NEGR1: variants seen among roughly 807,000 people sequenced by gnomAD.
NEGR1 encodes neuronal growth regulator 1.
Under a neutral mutation model 40.9 loss-of-function variants are expected in NEGR1, and 10 were observed. That is an observed-to-expected ratio of 0.24 (90% CI 0.15 to 0.42). NEGR1 has a LOEUF of 0.42. Among genes scored for constraint, NEGR1 ranks in the 10% least tolerant of loss-of-function variants. The pLI is 1.00. For synonymous variants in NEGR1, 185 were observed against 166.8 expected, an observed-to-expected ratio of 1.11 and a Z score of -0.84; for missense variants, 352 against 438.9, an observed-to-expected ratio of 0.80 and a Z score of 1.77.
intron 3 of NEGR1, among the ~76,000 whole-genome samples, chr1:71,701,238 T>C (rs966691026): frequency 6.6e-6 from 1 of 151,964 alleles, no homozygotes. Flanking sequence ...GTGTCAGAGG[T>C]TCAGGATTCT....
chr1:71,904,478 T>C (rs1453803763), intron 2 of NEGR1, among the ~76,000 whole-genome samples: 4 of 152,146 alleles, frequency 2.6e-5, no homozygotes, highest in Non-Finnish European at 4.4e-5. Flanking sequence ...TAAAGTAATA[T>C]ACACTTAATG....
intron 1 of NEGR1, among the ~76,000 whole-genome samples, chr1:72,131,065 T>G (rs765243955): frequency 2.0e-4 from 30 of 152,192 alleles, no homozygotes; most frequent in Non-Finnish European, 2.9e-4. Context: ...TATATCCACT[T>G]AATTGGCAAA....
intron 4 of NEGR1, among the ~76,000 whole-genome samples, chr1:71,676,499 A>G (rs764222548): frequency 4.6e-5 from 7 of 152,210 alleles, no homozygotes; most frequent in Non-Finnish European, 7.3e-5. Flanking sequence ...AACAGCAACA[A>G]TAACAATGAA....
intron 1 of NEGR1, among the ~76,000 whole-genome samples, chr1:72,021,788 A>G (rs1459188989): frequency 6.6e-6 from 1 of 152,192 alleles, no homozygotes; most frequent in African/African-American, 2.4e-5. Context: ...TGACAGGCAA[A>G]TTCTATAAGT....
intron 1 of NEGR1, among the ~76,000 whole-genome samples, chr1:72,109,586 A>G (rs902660177): frequency 3.3e-5 from 5 of 151,602 alleles, no homozygotes; most frequent in Non-Finnish European, 7.4e-5. Context: ...ATGAACATAT[A>G]TTATTATTTC....
At chr1:71,728,819 T>C (rs1654760674) in intron 3 of NEGR1, among the ~76,000 whole-genome samples, 1 of 152,086 alleles carries the variant, frequency 6.6e-6, no homozygotes, top group East Asian at 1.9e-4. Context: ...TCTTCACTAC[T>C]CCCTTTCTCA....
At chr1:72,024,506 C>T (rs528196670) in intron 1 of NEGR1, among the ~76,000 whole-genome samples, 4 of 152,048 alleles carry the variant, frequency 2.6e-5, no homozygotes, top group Non-Finnish European at 5.9e-5. Flanking sequence ...AAAAGCACCA[C>T]AACCTTTTAG....
chr1:71,410,285 C>T (rs1646310946), intron 6 of NEGR1, among the ~76,000 whole-genome samples: 1 of 152,018 alleles, frequency 6.6e-6, no homozygotes, highest in Non-Finnish European at 1.5e-5. Context: ...CACCAAAACA[C>T]AAAGAGCAAA....
chr1:71,858,432 G>A (rs1433303129), intron 2 of NEGR1, among the ~76,000 whole-genome samples: 4 of 152,076 alleles, frequency 2.6e-5, no homozygotes, highest in African/African-American at 9.7e-5. Context: ...AGAAAAACCT[G>A]AACTTCATGG....
intron 1 of NEGR1, among the ~76,000 whole-genome samples, chr1:72,060,541 C>A (rs752358398): frequency 1.3e-5 from 2 of 151,548 alleles, no homozygotes; most frequent in African/African-American, 4.8e-5. Context: ...AGATCTATGT[C>A]TTTTAAGGCC....
intron 2 of NEGR1, among the ~76,000 whole-genome samples, chr1:71,886,946 C>G (rs916637225): frequency 6.6e-6 from 1 of 152,138 alleles, no homozygotes; most frequent in Non-Finnish European, 1.5e-5. Flanking sequence ...TGGGAGTTAG[C>G]ACTGAACACT....
intron 2 of NEGR1, among the ~76,000 whole-genome samples, chr1:71,839,604 C>A (rs1659166829): frequency 6.6e-6 from 1 of 151,954 alleles, no homozygotes; most frequent in Non-Finnish European, 1.5e-5. Context: ...AAAATAAAAT[C>A]AAGAGAGCAA....
At chr1:71,431,354 G>A (rs944208914) in intron 6 of NEGR1, among the ~76,000 whole-genome samples, 2 of 152,118 alleles carry the variant, frequency 1.3e-5, no homozygotes, top group Non-Finnish European at 2.9e-5. Flanking sequence ...AATGGAAGAA[G>A]AAAAGAGCTG....
intron 1 of NEGR1, among the ~76,000 whole-genome samples, chr1:72,110,704 C>T (rs541501325): frequency 2.4e-4 from 36 of 151,554 alleles, no homozygotes; most frequent in African/African-American, 4.8e-4. Flanking sequence ...AACCTCTGAA[C>T]GAACATACTT....
intron 1 of NEGR1, among the ~76,000 whole-genome samples, chr1:72,127,555 T>C (rs1179696026): frequency 6.7e-6 from 1 of 150,278 alleles, no homozygotes; most frequent in East Asian, 2.0e-4. Flanking sequence ...AAAGCTTTCA[T>C]ATAATGACAT....
At chr1:71,616,397 C>G (rs879480151) in intron 4 of NEGR1, among the ~76,000 whole-genome samples, 6 of 152,210 alleles carry the variant, frequency 3.9e-5, no homozygotes, top group Non-Finnish European at 8.8e-5. Context: ...TTATGACAAT[C>G]TAATGCCTGA....
At chr1:71,856,900 T>C (rs1471488052) in intron 2 of NEGR1, among the ~76,000 whole-genome samples, 2 of 152,100 alleles carry the variant, frequency 1.3e-5, no homozygotes, top group Non-Finnish European at 2.9e-5. Flanking sequence ...AAGATATATA[T>C]GTTTTCATGT....
chr1:71,926,234 C>T (rs1645771105), intron 2 of NEGR1, among the ~76,000 whole-genome samples: 1 of 151,978 alleles, frequency 6.6e-6, no homozygotes, highest in Admixed American at 6.6e-5. Context: ...AACAGAAATA[C>T]TGCCTTAGTC....
intron 4 of NEGR1, among the ~76,000 whole-genome samples, chr1:71,642,554 CAG>C (rs1215979263): frequency 2.0e-5 from 3 of 151,702 alleles, no homozygotes; most frequent in African/African-American, 7.3e-5. Context: ...TAACACCAAT[CAG>C]ACTCTATTTA....
Sources: allele counts gnomAD v4.1 joint callset (sites outside exome capture counted in the v4.1 genomes callset), GRCh38; gene constraint gnomAD v4.1.1; transcripts MANE v1.5; gene names NCBI Gene and HGNC (gene_info 2026-07-23, HGNC 2026-07-21).